The following CCDC146 variants were observed in gnomAD, a reference collection of about 807,000 sequenced individuals.
CCDC146 encodes the protein coiled-coil domain containing 146, also known as coiled-coil domain-containing protein 146.
A neutral mutation model predicts 119.3 loss-of-function variants in CCDC146; 92 were observed. The ratio of observed to expected loss-of-function variants is 0.77; its 90% CI spans 0.65 to 0.92. The LOEUF is 0.92. Among genes scored for constraint, CCDC146 ranks in the 40% least tolerant of loss-of-function variants. The pLI is 0.00. For missense variants in CCDC146, 1,000 were observed against 1,103.0 expected (o/e 0.91, Z 1.32); for synonymous variants, 372 against 371.8 (o/e 1.00, Z -0.01).
At position 77,196,357 on chromosome 7, in the gene CCDC146, A is replaced by G. The variant is rs1791869792; in HGVS notation, c.156+28533A>G. ...ACTTGTAGCCACCAGGGTGTGCCTC[A>G]CTTACACCAGGCCAGGTACCCCAGA... On this transcript the variant is annotated intron_variant, in intron 2 of 18. Transcript: ENST00000285871. The surrounding 1 kb of genome is among the most constrained non-coding windows in gnomAD (Gnocchi z 4.2). 6.2e-7 allele frequency: 1 copy of G among 1,614,002 alleles called. No individual in the cohort carries two copies. The highest frequency in any genetic ancestry group is 1.3e-5 in the African/African-American group (1 of 74,916).
chr7:77,158,965 C>A (rs1334800916), intron 1 of CCDC146, among the ~76,000 whole-genome samples: 1 of 152,108 alleles, frequency 6.6e-6, no homozygotes, highest in East Asian at 1.9e-4. Flanking sequence ...CTCATTCTCC[C>A]TGTCTTTCCT....
At chr7:77,202,236 C>G (rs192136096) in intron 2 of CCDC146, among the ~76,000 whole-genome samples, 1 of 152,192 alleles carries the variant, frequency 6.6e-6, no homozygotes, top group Non-Finnish European at 1.5e-5. Context: ...ACAAATCAGA[C>G]AAAAATCCCT....
chr7:77,282,361 C>T, intron 14 of CCDC146, 196 bp from the exon 15 acceptor site: 1 of 518,236 alleles, frequency 1.9e-6, no homozygotes, highest in Non-Finnish European at 3.4e-6. Flanking sequence ...TTGAGAGGCT[C>T]AGTAACCCTC....
At chr7:77,258,451 A>C (rs10253634) in intron 6 of CCDC146, among the ~76,000 whole-genome samples, 3,706 of 152,280 alleles carry the variant, frequency 0.024, 143 homozygotes, top group African/African-American at 0.084. Context: ...ACCACGCTTC[A>C]AGTACCCATG....
At chr7:77,181,568 A>G (rs1300325364) in intron 2 of CCDC146, among the ~76,000 whole-genome samples, 1 of 152,236 alleles carries the variant, frequency 6.6e-6, no homozygotes, top group Non-Finnish European at 1.5e-5. Flanking sequence ...TCTTAGTACA[A>G]AGACCCACTT....
At chr7:77,234,697 T>TG (rs780010209) in intron 2 of CCDC146, among the ~76,000 whole-genome samples, 2 of 152,140 alleles carry the variant, frequency 1.3e-5, no homozygotes, top group Non-Finnish European at 2.9e-5. Flanking sequence ...ATAGCGCCAC[T>TG]GTACTCCAGC....
chr7:77,204,990 G>A (rs1360117269), intron 2 of CCDC146, among the ~76,000 whole-genome samples: 1 of 152,038 alleles, frequency 6.6e-6, no homozygotes, highest in African/African-American at 2.4e-5. Flanking sequence ...ATGCTGGCAT[G>A]CGCCTACAGT....
rs569317469 is a variant in CCDC146, at chr7:77,181,006, G to A, written c.156+13182G>A. Among the ~76,000 whole-genome samples, 8 of 152,300 alleles carry A rather than the reference G, an allele frequency of 5.3e-5. No homozygotes were observed. In the East Asian group the frequency reaches 1.5e-3, roughly 29 times the overall value. Reference sequence around the variant, plus strand: ...CTTTTTCATATGTTTACCATTTAAAGTTTATATGAATAGGAAATTTGAGAT... The same window carrying A: ...CTTTTTCATATGTTTACCATTTAAAATTTATATGAATAGGAAATTTGAGAT... On this transcript the variant is annotated intron_variant, in intron 2 of 18. Coordinates refer to ENST00000285871, the MANE Select transcript of CCDC146 (RefSeq NM_020879.3).
chr7:77,144,821 G>A (rs762112999), intron 1 of CCDC146, among the ~76,000 whole-genome samples: 2 of 151,692 alleles, frequency 1.3e-5, no homozygotes, highest in African/African-American at 2.4e-5. Context: ...CTGTTTGCCC[G>A]TATTTTATTG....
intron 4 of CCDC146, 30 bp from the exon 5 acceptor site, chr7:77,254,476 T>G (rs768055999): frequency 7.9e-7 from 1 of 1,265,706 alleles, no homozygotes; most frequent in Non-Finnish European, 1.1e-6. Flanking sequence ...TTCTTTGTAC[T>G]TTTTCAAACT....
At chr7:77,278,903 C>T in intron 12 of CCDC146, 34 bp from the exon 13 acceptor site, 3 of 1,601,070 alleles carry the variant, frequency 1.9e-6, no homozygotes, top group Non-Finnish European at 2.6e-6. Flanking sequence ...ATGTTCATTT[C>T]ATAAGTTTCA....
chr7:77,186,009 A>G (rs1791661231), intron 2 of CCDC146, among the ~76,000 whole-genome samples: 2 of 152,176 alleles, frequency 1.3e-5, no homozygotes. Context: ...CTGTGAGGAT[A>G]TGAAGAAAAG....
At chr7:77,140,281 ATT>A (rs1168093003) in intron 1 of CCDC146, among the ~76,000 whole-genome samples, 6 of 152,140 alleles carry the variant, frequency 3.9e-5, no homozygotes, top group African/African-American at 1.4e-4. Context: ...ATATGTAATA[ATT>A]AGAGATAAAC....
chr7:77,253,129 A>G (rs1344234288), intron 4 of CCDC146, among the ~76,000 whole-genome samples: 1 of 152,226 alleles, frequency 6.6e-6, no homozygotes, highest in Admixed American at 6.5e-5. Context: ...TTCATGCCAC[A>G]ATTTTAATAG....
At chr7:77,286,670 A>T in intron 15 of CCDC146, 128 bp from the exon 16 acceptor site, 2 of 835,398 alleles carry the variant, frequency 2.4e-6, no homozygotes, top group Non-Finnish European at 3.8e-6. Context: ...GTGTTAAGAA[A>T]ACAGAGTTCT....
intron 1 of CCDC146, among the ~76,000 whole-genome samples, chr7:77,164,409 T>A (rs1296940176): frequency 1.3e-5 from 2 of 151,924 alleles, no homozygotes; most frequent in Admixed American, 6.6e-5. Flanking sequence ...AATGGTTATT[T>A]AAAAAAAACA....
At position 77,160,269 on chromosome 7, in the gene CCDC146, T is replaced by G. The variant is rs901007844; in HGVS notation, c.-11-7389T>G. Among the ~76,000 whole-genome samples the G allele has an allele frequency of 4.9e-3, 751 of 152,286 alleles. 9 individuals are homozygous for G. The highest frequency in any genetic ancestry group is 0.017 in the African/African-American group (727 of 41,560). On this transcript the variant is annotated intron_variant, in intron 1 of 18. Transcript: ENST00000285871. ...CGATGTGGGCTCTTTTTTGGTTCCA[T>G]ATGAACTTTAAAGTAGTTTTTTCCA...
chr7:77,241,936 CT>C, intron 4 of CCDC146, 36 bp downstream of exon 4: 1 of 1,507,788 alleles, frequency 6.6e-7, no homozygotes, highest in Non-Finnish European at 9.2e-7. Context: ...ACTGAAAAGT[CT>C]TTTCCTCATA....
chr7:77,252,169 A>G (rs1376657165), intron 4 of CCDC146, among the ~76,000 whole-genome samples: 1 of 152,184 alleles, frequency 6.6e-6, no homozygotes. Context: ...AAACAAAAAC[A>G]GATCTATAGG....
Sources: allele counts gnomAD v4.1 joint callset (sites outside exome capture counted in the v4.1 genomes callset), GRCh38; gene constraint gnomAD v4.1.1; non-coding constraint Gnocchi (gnomAD v3.1); transcripts MANE v1.5; gene names NCBI Gene and HGNC (gene_info 2026-07-23, HGNC 2026-07-21).